CAMTA1: variants seen among roughly 807,000 people sequenced by gnomAD.
CAMTA1 encodes calmodulin-binding transcription activator 1.
CAMTA1 carries 27 observed loss-of-function variants against 170.9 expected under a neutral mutation model. That is an observed-to-expected ratio of 0.16 (90% confidence interval 0.12 to 0.22). CAMTA1 has a LOEUF of 0.22. Among genes scored for constraint, CAMTA1 ranks in the 10% least tolerant of loss-of-function variants. CAMTA1 has a pLI of 1.00. For synonymous variants in CAMTA1, 833 were observed against 891.5 expected (o/e 0.93, Z 1.17); for missense variants, 1,619 against 2,217.2 (o/e 0.73, Z 5.42).
At chr1:6,996,986 A>G (rs765558330) in intron 3 of CAMTA1, among the ~76,000 whole-genome samples, 1 of 152,208 alleles carries the variant, frequency 6.6e-6, no homozygotes, top group African/African-American at 2.4e-5. Context: ...TTTAACAAGT[A>G]TCACTGGGAT....
At chr1:7,502,746 T>C (rs1341207526) in intron 6 of CAMTA1, among the ~76,000 whole-genome samples, 2 of 152,154 alleles carry the variant, frequency 1.3e-5, no homozygotes, top group Non-Finnish European at 2.9e-5. Context: ...CCGACGGAGA[T>C]GTGAAGTCAG....
intron 3 of CAMTA1, among the ~76,000 whole-genome samples, chr1:6,974,009 C>T (rs936970804): frequency 1.3e-5 from 2 of 152,194 alleles, no homozygotes; most frequent in Non-Finnish European, 2.9e-5. Context: ...CTTGAAGCTG[C>T]GGTTGAATTT....
intron 6 of CAMTA1, among the ~76,000 whole-genome samples, chr1:7,530,142 C>T (rs1013210914): frequency 6.6e-6 from 1 of 152,194 alleles, no homozygotes; most frequent in African/African-American, 2.4e-5. Flanking sequence ...CCCCTCTGCC[C>T]ACCTGTGGCT....
intron 3 of CAMTA1, chr1:6,871,869 C>A (rs1020933923): frequency 1.4e-5 from 20 of 1,454,528 alleles, no homozygotes; most frequent in Middle Eastern, 2.3e-4. Context: ...AATTTAATTT[C>A]ATTTTTTAAT....
At chr1:7,295,149 GT>G (rs908702221) in intron 5 of CAMTA1, among the ~76,000 whole-genome samples, 5 of 151,896 alleles carry the variant, frequency 3.3e-5, no homozygotes, top group African/African-American at 9.7e-5. Context: ...TGGCTTTGGG[GT>G]TTTTTTTGTT....
intron 6 of CAMTA1, among the ~76,000 whole-genome samples, chr1:7,637,967 TG>T (rs1256973298): frequency 6.6e-6 from 1 of 152,260 alleles, no homozygotes; most frequent in Non-Finnish European, 1.5e-5. Context: ...CTCCTGTTCG[TG>T]TTGATTGAGT....
intron 10 of CAMTA1, among the ~76,000 whole-genome samples, chr1:7,675,391 A>C (rs71637392): frequency 1.3e-5 from 2 of 152,204 alleles, no homozygotes; most frequent in Non-Finnish European, 2.9e-5. Context: ...TGTTAGCTTT[A>C]AGCAGGGAGT....
At chr1:7,308,861 CTA>C (rs1264504979) in intron 5 of CAMTA1, among the ~76,000 whole-genome samples, 14 of 152,208 alleles carry the variant, frequency 9.2e-5, no homozygotes, top group African/African-American at 3.4e-4. Context: ...TTGAGTTGTT[CTA>C]TGACTGATTT....
chr1:6,916,125 A>G (rs1340296307), intron 3 of CAMTA1, among the ~76,000 whole-genome samples: 2 of 152,074 alleles, frequency 1.3e-5, no homozygotes, highest in African/African-American at 2.4e-5. Flanking sequence ...AGCCAGGGGC[A>G]TGTGATGTCT....
intron 3 of CAMTA1, among the ~76,000 whole-genome samples, chr1:7,084,924 A>G (rs1185935117): frequency 6.6e-6 from 1 of 152,246 alleles, no homozygotes; most frequent in Non-Finnish European, 1.5e-5. Flanking sequence ...GTTAAAGTAT[A>G]AAATATTATT....
chr1:7,458,622 G>C (rs1268380041), intron 5 of CAMTA1, among the ~76,000 whole-genome samples: 1 of 152,214 alleles, frequency 6.6e-6, no homozygotes, highest in Non-Finnish European at 1.5e-5. Flanking sequence ...GTTTTCAGGA[G>C]AGCCTCTAGT....
intron 3 of CAMTA1, among the ~76,000 whole-genome samples, chr1:6,982,020 T>C (rs1207501930): frequency 6.6e-6 from 1 of 152,224 alleles, no homozygotes; most frequent in Admixed American, 6.5e-5. Context: ...ATAATGTATT[T>C]TTTTGACATT....
rs1317680383 is a variant in CAMTA1, at chr1:6,918,573, A to G, written c.234+93363A>G. Among the ~76,000 whole-genome samples the G allele has an allele frequency of 6.6e-6, 1 of 152,220 alleles. No individual in the cohort carries two copies. Among genetic ancestry groups the G allele is most frequent in the Non-Finnish European group, 1.5e-5 (1 of 68,046 alleles). On this transcript the variant is annotated intron_variant, in intron 3 of 22. Coordinates refer to ENST00000303635, the MANE Select transcript of CAMTA1 (RefSeq NM_015215.4). This position sits in a 1 kb window ranked among gnomAD's most constrained non-coding sequence, Gnocchi z 4.0. ...GGCTTCAAAACGGTATTTATCTGGC[A>G]TTGGGAAACCATCAACGCCAGCCTG...
In CAMTA1 at chr1:6,961,173, T is replaced by C. The variant is rs546304791; in HGVS notation, c.235-130131T>C. Among the ~76,000 whole-genome samples, 78 of 152,328 alleles carry C rather than the reference T, an allele frequency of 5.1e-4. 1 individual carries two copies. The Middle Eastern group carries it at 0.02, about 40-fold the overall frequency. On this transcript the variant is annotated intron_variant, in intron 3 of 22. Coordinates refer to ENST00000303635, the MANE Select transcript of CAMTA1 (RefSeq NM_015215.4). ...ATTTAGGAAGGTTTGGAGAAAGCGATTGGGCTGCGATGCAGTTAAGTTTCC... is the reference window on the plus strand; with the variant it reads ...ATTTAGGAAGGTTTGGAGAAAGCGACTGGGCTGCGATGCAGTTAAGTTTCC...
intron 4 of CAMTA1, among the ~76,000 whole-genome samples, chr1:7,110,730 T>C (rs1643977625): frequency 6.6e-6 from 1 of 152,240 alleles, no homozygotes. Context: ...GCGCTGCTCC[T>C]CGGGTTCACC....
At chr1:7,675,619 C>T (rs1451341183) in intron 10 of CAMTA1, among the ~76,000 whole-genome samples, 1 of 151,992 alleles carries the variant, frequency 6.6e-6, no homozygotes, top group Non-Finnish European at 1.5e-5. Flanking sequence ...TTATGGGCCT[C>T]CCGACACCCT....
At chr1:6,949,517 G>A (rs954823827) in intron 3 of CAMTA1, among the ~76,000 whole-genome samples, 1 of 152,140 alleles carries the variant, frequency 6.6e-6, no homozygotes, top group African/African-American at 2.4e-5. Context: ...ACAGAACTCC[G>A]GCTGAGCGCT....
chr1:7,751,192 C>G lies in CAMTA1; in HGVS notation c.4690-7C>G, dbSNP rs2096895169. 6 of 1,565,332 alleles carry G rather than the reference C, an allele frequency of 3.8e-6. No homozygotes were observed. The highest frequency in any genetic ancestry group is 3.6e-5 in the South Asian group (3 of 83,640). On this transcript the variant is annotated splice_region_variant and splice_polypyrimidine_tract_variant and intron_variant, in intron 19 of 22. Coordinates refer to ENST00000303635, the MANE Select transcript of CAMTA1 (RefSeq NM_015215.4). ...TACTGTGTCGCTTGTTCTTGTTTCC[C>G]CTGCAGTACGCACTTTATAAAAAGA...
At chr1:7,576,882 G>A (rs940470388) in intron 6 of CAMTA1, among the ~76,000 whole-genome samples, 53 of 152,336 alleles carry the variant, frequency 3.5e-4, no homozygotes, top group South Asian at 1.2e-3. Context: ...GAGGACGGGG[G>A]ATTGGCCATC....
Sources: gnomAD v4.1 joint callset for allele counts (sites outside exome capture counted in the v4.1 genomes callset) on GRCh38, gnomAD v4.1.1 for gene constraint, Gnocchi (gnomAD v3.1) non-coding constraint, MANE v1.5 for transcripts, NCBI Gene and HGNC (gene_info 2026-07-23, HGNC 2026-07-21) for gene names.